CTNND2: variants seen among roughly 807,000 people sequenced by gnomAD.
CTNND2 encodes catenin delta-2.
Under a neutral mutation model 144.4 loss-of-function variants are expected in CTNND2, and 22 were observed. The ratio of observed to expected loss-of-function variants is 0.15; its 90% CI spans 0.11 to 0.22. The LOEUF is 0.22. Among genes scored for constraint, CTNND2 ranks in the 10% least tolerant of loss-of-function variants. The probability of loss-of-function intolerance (pLI) is 1.00; values close to 1 mark genes in which losing one functional copy is unlikely to be tolerated. For missense variants in CTNND2, 1,353 were observed against 1,618.8 expected (o/e 0.84, Z 2.82); for synonymous variants, 751 against 695.6 (o/e 1.08, Z -1.25).
At chr5:11,295,661 C>G (rs535765991) in intron 9 of CTNND2, among the ~76,000 whole-genome samples, 1 of 151,986 alleles carries the variant, frequency 6.6e-6, no homozygotes, top group Non-Finnish European at 1.5e-5. Context: ...CAGAACAGAG[C>G]CCTCAGAAAT....
chr5:11,386,948 T>C (rs1759144952), intron 6 of CTNND2, among the ~76,000 whole-genome samples: 2 of 152,102 alleles, frequency 1.3e-5, no homozygotes, highest in Admixed American at 6.5e-5. Flanking sequence ...GGGGGTGGCT[T>C]TGATGCAATT....
chr5:11,825,580 C>T (rs7732402), intron 1 of CTNND2, among the ~76,000 whole-genome samples: 21,520 of 151,908 alleles, frequency 0.14, 4,026 homozygotes, highest in African/African-American at 0.43. Flanking sequence ...AGACAACAAA[C>T]CAGAGACTAT....
chr5:11,238,927 T>A lies in CTNND2; in HGVS notation c.1629-2104A>T, dbSNP rs144526962. 8.9e-3 allele frequency among the ~76,000 whole-genome samples: 1,357 copies of A among 152,308 alleles called. 33 individuals carry two copies. Among genetic ancestry groups the A allele is most frequent in the Admixed American group, 0.042 (650 of 15,304 alleles). On this transcript the variant is annotated intron_variant, in intron 9 of 21. Coordinates refer to ENST00000304623, the MANE Select transcript of CTNND2 (RefSeq NM_001332.4). The stretch of plus-strand genomic sequence containing the variant: ...AAGCCTGTTTTTCTCTCAAATTTAA[T>A]TTCTTTTGTTTTATAATTCTAAACC...
At chr5:11,134,661 A>G (rs1755951352) in intron 12 of CTNND2, among the ~76,000 whole-genome samples, 1 of 152,212 alleles carries the variant, frequency 6.6e-6, no homozygotes, top group South Asian at 2.1e-4. Flanking sequence ...TCTGAATGAC[A>G]AGACGAGATG....
chr5:11,076,109 G>A (rs530566403), intron 16 of CTNND2, among the ~76,000 whole-genome samples: 2 of 152,254 alleles, frequency 1.3e-5, no homozygotes, highest in African/African-American at 4.8e-5. Flanking sequence ...GAAGACATAC[G>A]CATACACAAA....
intron 3 of CTNND2, among the ~76,000 whole-genome samples, chr5:11,437,769 C>T (rs1172590957): frequency 6.6e-6 from 1 of 152,130 alleles, no homozygotes; most frequent in Non-Finnish European, 1.5e-5. Flanking sequence ...AACTGGGGAA[C>T]CCAAATGTCA....
chr5:11,684,204 C>G (rs1412187544), intron 2 of CTNND2, among the ~76,000 whole-genome samples: 2 of 151,842 alleles, frequency 1.3e-5, no homozygotes, highest in Non-Finnish European at 2.9e-5. Context: ...TGGGTTCATG[C>G]CATTCTCCTG....
intron 3 of CTNND2, among the ~76,000 whole-genome samples, chr5:11,425,379 T>C (rs1762693523): frequency 1.3e-5 from 2 of 152,200 alleles, no homozygotes; most frequent in African/African-American, 2.4e-5. Context: ...TCCATATTTA[T>C]TGTCATGAAA....
intron 16 of CTNND2, among the ~76,000 whole-genome samples, chr5:11,070,544 G>T (rs985938028): frequency 6.6e-6 from 1 of 152,132 alleles, no homozygotes; most frequent in African/African-American, 2.4e-5. Context: ...AAGTGAGATG[G>T]GGTAGAGGAA....
In CTNND2 at chr5:11,830,805, G is replaced by A. The variant is rs552411145; in HGVS notation, c.37+73012C>T. Among the ~76,000 whole-genome samples the A allele has an allele frequency of 4.6e-5, 7 of 151,994 alleles. No homozygotes were observed. The East Asian group carries it at 1.4e-3, about 30-fold the overall frequency. On this transcript the variant is annotated intron_variant, in intron 1 of 21. Transcript: ENST00000304623. The stretch of plus-strand genomic sequence containing the variant: ...CCTTACGCACCTCCAGCAACTCCTA[G>A]GTAAGGAGTGAGTTAAACAGACCTG...
At chr5:11,657,869 A>G (rs1561664776) in intron 2 of CTNND2, among the ~76,000 whole-genome samples, 1 of 152,154 alleles carries the variant, frequency 6.6e-6, no homozygotes, top group African/African-American at 2.4e-5. Context: ...GAAATTATAA[A>G]AAGGAGAAAA....
At chr5:11,215,200 A>G (rs1739048814) in intron 10 of CTNND2, among the ~76,000 whole-genome samples, 1 of 152,204 alleles carries the variant, frequency 6.6e-6, no homozygotes. Flanking sequence ...GCAGATTCAC[A>G]CTTGGGAACA....
At chr5:11,084,101 G>T (rs1218712044) in intron 15 of CTNND2, 3 of 285,056 alleles carry the variant, frequency 1.1e-5, no homozygotes, top group Non-Finnish European at 1.1e-5. Context: ...AAGCCTTGAG[G>T]GGGTAGGGAG....
intron 9 of CTNND2, among the ~76,000 whole-genome samples, chr5:11,290,440 C>T (rs904773163): frequency 2.6e-5 from 4 of 152,050 alleles, no homozygotes; most frequent in Admixed American, 6.6e-5. Context: ...TCAGTTCCAA[C>T]AAAAAAAGCC....
chr5:11,741,910 T>A (rs917880828), intron 1 of CTNND2, among the ~76,000 whole-genome samples: 2 of 151,560 alleles, frequency 1.3e-5, no homozygotes, highest in Admixed American at 1.3e-4. Context: ...GTGACCTGGA[T>A]GGAATTGGAG....
At chr5:11,326,790 C>T (rs1409805548) in intron 9 of CTNND2, among the ~76,000 whole-genome samples, 1 of 152,140 alleles carries the variant, frequency 6.6e-6, no homozygotes, top group Admixed American at 6.5e-5. Context: ...CAGATCAGGG[C>T]ATCTTTAACA....
At chr5:11,656,816 G>C (rs185683998) in intron 2 of CTNND2, among the ~76,000 whole-genome samples, 12 of 152,156 alleles carry the variant, frequency 7.9e-5, no homozygotes, top group Admixed American at 7.2e-4. Flanking sequence ...CAATTTTAAT[G>C]GTTCTGAAAT....
intron 10 of CTNND2, among the ~76,000 whole-genome samples, chr5:11,227,650 T>C (rs1740504867): frequency 6.6e-6 from 1 of 152,204 alleles, no homozygotes; most frequent in Non-Finnish European, 1.5e-5. Flanking sequence ...TCTCAATTTT[T>C]TTAACAGATG....
At chr5:11,691,266 G>T (rs1784896612) in intron 2 of CTNND2, among the ~76,000 whole-genome samples, 1 of 151,990 alleles carries the variant, frequency 6.6e-6, no homozygotes, top group South Asian at 2.1e-4. Flanking sequence ...AGTTACTCGG[G>T]AGGCTGAGGC....
Sources: allele counts gnomAD v4.1 joint callset (sites outside exome capture counted in the v4.1 genomes callset), GRCh38; gene constraint gnomAD v4.1.1; transcripts MANE v1.5; gene names NCBI Gene and HGNC (gene_info 2026-07-23, HGNC 2026-07-21).